The following ANKS1A variants were observed in gnomAD, a reference collection of about 807,000 sequenced individuals.
ANKS1A encodes the protein ankyrin repeat and SAM domain-containing protein 1A.
Under a neutral mutation model 120.3 loss-of-function variants are expected in ANKS1A, and 55 were observed. The ratio of observed to expected loss-of-function variants is 0.46; its 90% CI spans 0.37 to 0.57. The LOEUF is 0.57. Ranked by LOEUF, ANKS1A falls within the 20% of genes least tolerant of loss-of-function variation. ANKS1A has a pLI of 0.00. For missense variants in ANKS1A, 1,123 were observed against 1,480.3 expected (o/e 0.76, Z 3.96); for synonymous variants, 590 against 604.7 (o/e 0.98, Z 0.36).
intron 11 of ANKS1A, 22 bp from the exon 12 acceptor site, chr6:35,054,077 T>C (rs755595610): frequency 6.2e-6 from 10 of 1,611,500 alleles, no homozygotes; most frequent in Non-Finnish European, 8.5e-6. Context: ...GCCTCTCCTC[T>C]TTGTTCTTTC....
chr6:34,948,701 TCA>T (rs1357450744), intron 1 of ANKS1A, among the ~76,000 whole-genome samples: 1 of 152,118 alleles, frequency 6.6e-6, no homozygotes, highest in Non-Finnish European at 1.5e-5. Context: ...AAACCATTCC[TCA>T]CACCCAGATT....
At position 34,989,265 on chromosome 6, in the gene ANKS1A, A is replaced by C. The variant is rs752041690; in HGVS notation, c.1251A>C (p.Glu417Asp). The C allele has an allele frequency of 6.2e-7, 1 of 1,613,994 alleles. No individual in the cohort carries two copies. The highest frequency in any genetic ancestry group is 8.5e-7 in the Non-Finnish European group (1 of 1,179,964). Reference protein sequence around the residue: ...PPPPAKPPPDEEEEDHIDKKY... With the variant: ...PPPPAKPPPDDEEEDHIDKKY... ...CTCCAGCAAAGCCACCGCCCGATGA[A>C]GAGGAAGAAGACCACATAGATAAGA... is the stretch of plus-strand genomic sequence containing the variant. The change falls in exon 9 of 24, where the codon GAA becomes GAC. Residue 417 changes from glutamate to aspartate, a missense_variant. Transcript: ENST00000360359.
In ANKS1A at chr6:34,994,297, C is replaced by T. The variant is rs1377416879; in HGVS notation, c.1303-5C>T. 1 of 1,612,698 alleles carries T rather than the reference C, an allele frequency of 6.2e-7. No individual in the cohort carries two copies. Among genetic ancestry groups the T allele is most frequent in the Non-Finnish European group, 8.5e-7 (1 of 1,179,130 alleles). On this transcript the variant is annotated splice_polypyrimidine_tract_variant and splice_region_variant and intron_variant, in intron 9 of 23. Transcript: ENST00000360359. ...CAAGATACACTGGATGTTTCTCTCC[C>T]TTAGGTTCTGTCCATGAGACCTAGG...
intron 8 of ANKS1A, among the ~76,000 whole-genome samples, chr6:34,987,147 C>T (rs1489256158): frequency 6.6e-6 from 1 of 152,134 alleles, no homozygotes; most frequent in Non-Finnish European, 1.5e-5. Flanking sequence ...GTCTTCCTGG[C>T]CCTTGGTAAT....
At position 34,994,293 on chromosome 6, in the gene ANKS1A, C is replaced by T; in HGVS notation, c.1303-9C>T. ...TGCACAAGATACACTGGATGTTTCTCTCCCTTAGGTTCTGTCCATGAGACC... is the reference window on the plus strand; with the variant it reads ...TGCACAAGATACACTGGATGTTTCTTTCCCTTAGGTTCTGTCCATGAGACC... On this transcript the variant is annotated splice_polypyrimidine_tract_variant and intron_variant, in intron 9 of 23. Coordinates refer to ENST00000360359, the MANE Select transcript of ANKS1A (RefSeq NM_015245.3). The T allele has an allele frequency of 6.2e-7, 1 of 1,612,468 alleles. No individual in the cohort carries two copies.
At chr6:35,031,935 G>C (rs542822860) in intron 11 of ANKS1A, among the ~76,000 whole-genome samples, 83 of 151,998 alleles carry the variant, frequency 5.5e-4, no homozygotes, top group Non-Finnish European at 1.1e-3. Context: ...CCCTACTTGG[G>C]TGGCTTTCTC....
At position 35,085,170 on chromosome 6, in the gene ANKS1A, C is replaced by T. The variant is rs1777898346; in HGVS notation, c.3133-596C>T. 6.6e-6 allele frequency among the ~76,000 whole-genome samples: 1 copy of T among 152,296 alleles called. No individual in the cohort carries two copies. Among genetic ancestry groups the T allele is most frequent in the Non-Finnish European group, 1.5e-5 (1 of 68,026 alleles). ...AGCTTGGAAACATCGCATCTGCCTGCTTCCTCATCTGTCTGGAGGGGATAT... is the reference window on the plus strand; with the variant it reads ...AGCTTGGAAACATCGCATCTGCCTGTTTCCTCATCTGTCTGGAGGGGATAT... On this transcript the variant is annotated intron_variant, in intron 21 of 23. Coordinates refer to ENST00000360359, the MANE Select transcript of ANKS1A (RefSeq NM_015245.3). The surrounding 1 kb of genome is among the most constrained non-coding windows in gnomAD (Gnocchi z 4.7).
chr6:34,939,493 T>TAAG (rs1269127144), intron 1 of ANKS1A, among the ~76,000 whole-genome samples: 1 of 152,248 alleles, frequency 6.6e-6, no homozygotes, highest in African/African-American at 2.4e-5. Flanking sequence ...AATATTATAA[T>TAAG]ATACACTATG....
rs1355736658 is a variant in ANKS1A, at chr6:34,983,230, C to T, written c.910+16C>T. ...TTAATTGAAGGTATCATCCTTTCTC[C>T]CTGTCTGGGTGACCAGGGGACACAC... On this transcript the variant is annotated intron_variant, in intron 6 of 23. Transcript: ENST00000360359. 1 of 1,613,586 alleles carries T rather than the reference C, an allele frequency of 6.2e-7. No homozygotes were observed. Among genetic ancestry groups the T allele is most frequent in the Admixed American group, 1.7e-5 (1 of 60,020 alleles).
At chr6:35,069,407 A>G (rs575437525) in intron 13 of ANKS1A, among the ~76,000 whole-genome samples, 1 of 151,940 alleles carries the variant, frequency 6.6e-6, no homozygotes, top group East Asian at 1.9e-4. Flanking sequence ...TGACTTTAGC[A>G]AAGTAACTTA....
At chr6:34,986,997 A>G (rs910511141) in intron 8 of ANKS1A, among the ~76,000 whole-genome samples, 2 of 152,204 alleles carry the variant, frequency 1.3e-5, no homozygotes, top group Non-Finnish European at 2.9e-5. Flanking sequence ...AAAGCTGAGA[A>G]TGATTTCCTG....
rs547762190 is a variant in ANKS1A, at chr6:34,978,435, C to T, written c.436-3255C>T. On this transcript the variant is annotated intron_variant, in intron 3 of 23. Transcript: ENST00000360359. ...TTGGAAGGTGTGACAGGGAAACATT[C>T]CAGATGATCAGGAGTCTGTGCTGCT... is the stretch of plus-strand genomic sequence containing the variant. 3.3e-5 allele frequency among the ~76,000 whole-genome samples: 5 copies of T among 152,290 alleles called. No homozygotes were observed. The South Asian group carries it at 1.0e-3, about 32-fold the overall frequency.
intron 13 of ANKS1A, among the ~76,000 whole-genome samples, chr6:35,075,202 C>T (rs1052122424): frequency 6.6e-6 from 1 of 152,038 alleles, no homozygotes; most frequent in Non-Finnish European, 1.5e-5. Context: ...AAACAAATTA[C>T]AGGAAAAAAT....
rs1339377788 is a variant in ANKS1A, at chr6:35,086,419, G to T, written c.3303+483G>T. 15 of 1,247,584 alleles carry T rather than the reference G, an allele frequency of 1.2e-5. No individual in the cohort carries two copies. Among genetic ancestry groups the T allele is most frequent in the Non-Finnish European group, 1.5e-5 (14 of 949,974 alleles). 77.3% of individuals were successfully genotyped at this position (1,247,584 alleles called of 1,614,324 possible). A position where few individuals can be genotyped will look rare whatever the true frequency, so the allele number is the denominator to read the frequency against. ...GTGTCAGTCTCCCCGAAGTGACCGT[G>T]AGCGCTCTTAGCCTCTGGCGGCCTC... On this transcript the variant is annotated intron_variant, in intron 22 of 23. Coordinates refer to ENST00000360359, the MANE Select transcript of ANKS1A (RefSeq NM_015245.3). This position sits in a 1 kb window ranked among gnomAD's most constrained non-coding sequence, Gnocchi z 5.1.
At chr6:35,075,799 G>A (rs1777323682) in intron 13 of ANKS1A, among the ~76,000 whole-genome samples, 1 of 151,894 alleles carries the variant, frequency 6.6e-6, no homozygotes, top group Admixed American at 6.6e-5. Flanking sequence ...GTTTTTGTTT[G>A]GAAACAGGCT....
chr6:35,087,386 C>T (rs1291766167), intron 23 of ANKS1A, among the ~76,000 whole-genome samples: 2 of 152,194 alleles, frequency 1.3e-5, no homozygotes, highest in Non-Finnish European at 2.9e-5. Flanking sequence ...TGAACCCCGA[C>T]GGGCAGGGCA....
At chr6:34,920,984 G>GT (rs926472881) in intron 1 of ANKS1A, among the ~76,000 whole-genome samples, 6 of 152,186 alleles carry the variant, frequency 3.9e-5, no homozygotes, top group African/African-American at 1.4e-4. Context: ...GTTGGCTATG[G>GT]TTTTATATTG....
intron 1 of ANKS1A, among the ~76,000 whole-genome samples, chr6:34,936,011 G>A (rs1005951763): frequency 2.9e-5 from 4 of 137,310 alleles, no homozygotes; most frequent in Admixed American, 8.0e-5. Flanking sequence ...GCAGTGAGCC[G>A]AGATCCCGCC....
At position 35,090,230 on chromosome 6, in the gene ANKS1A, C is replaced by A. The variant is rs1778226397; in HGVS notation, c.*1621C>A. 2 of 1,289,636 alleles carry A rather than the reference C, an allele frequency of 1.6e-6. No individual in the cohort carries two copies. The highest frequency in any genetic ancestry group is 2.0e-6 in the Non-Finnish European group (2 of 988,886). The allele number at this position is 1,289,636 out of a possible 1,614,324, so 79.9% of individuals were successfully genotyped here. A position where few individuals can be genotyped will look rare whatever the true frequency, so the allele number is the denominator to read the frequency against. On this transcript the variant is annotated 3_prime_UTR_variant, in exon 24 of 24. Coordinates refer to ENST00000360359, the MANE Select transcript of ANKS1A (RefSeq NM_015245.3). ...ACTTCATTTCCTGCCCCTTTCAGGG[C>A]CTGTGAGGATGCCCATGAGCTACCG...
Sources: allele counts gnomAD v4.1 joint callset (sites outside exome capture counted in the v4.1 genomes callset), GRCh38; gene constraint gnomAD v4.1.1; non-coding constraint Gnocchi (gnomAD v3.1); transcripts MANE v1.5; gene names NCBI Gene and HGNC (gene_info 2026-07-23, HGNC 2026-07-21).